Variants in SAMD9 observed in about 807,000 individuals in gnomAD.
The protein encoded by SAMD9 is sterile alpha motif domain containing 9.
A neutral mutation model predicts 1.5 loss-of-function variants in SAMD9; 3 were observed. That is an observed-to-expected ratio of 2.05 (90% CI 0.93 to 5.29). SAMD9 has a LOEUF of 5.29. Ranked by LOEUF, SAMD9 falls within the 30% of genes most tolerant of loss-of-function variation. The pLI is 0.02. For missense variants in SAMD9, 1,597 were observed against 1,820.8 expected (o/e 0.88, Z 2.24); for synonymous variants, 635 against 631.9 (o/e 1.00, Z -0.07).
rs1324222245 is a variant in SAMD9 at position 93,105,855 on chromosome 7, A to G, written c.243T>C (p.Asp81=). ...TTCCCATCTTAGATGTCTGAATCGA[A>G]TCTTCAATGGCTGTTTTCCGCAATT... ...FKELRKTAIE[D]SIQTSKMGKP... The change falls in exon 3 of 3, where the codon GAT becomes GAC. Residue 81 remains aspartate, a synonymous_variant. Coordinates refer to ENST00000379958, the MANE Select transcript of SAMD9 (RefSeq NM_017654.4). 2.5e-6 allele frequency: 4 copies of G among 1,614,024 alleles called. No individual in the cohort carries two copies. The highest frequency in any genetic ancestry group is 1.7e-5 in the Admixed American group (1 of 60,000).
Position 93,103,410 on chromosome 7 carries a change from G to A in SAMD9, c.2688C>T (p.Tyr896=), listed in dbSNP as rs765196275. ...MIMKTNFNKE[Y]IENVVRNILK... ...GGATATTCCGGACCACATTTTCTAT[G>A]TATTCTTTATTAAAATTGGTTTTCA... Residue 896 remains tyrosine, a synonymous_variant, in exon 3 of 3, where the codon TAC becomes TAT. Coordinates refer to ENST00000379958, the MANE Select transcript of SAMD9 (RefSeq NM_017654.4). 4.3e-6 allele frequency: 7 copies of A among 1,613,278 alleles called. No individual in the cohort carries two copies. Among genetic ancestry groups the A allele is most frequent in the Admixed American group, 1.7e-5 (1 of 59,930 alleles).
At position 93,104,453 on chromosome 7, in the gene SAMD9, C is replaced by T. The variant is rs10279499; in HGVS notation, c.1645G>A (p.Val549Met). Residue 549 changes from valine (V) to methionine (M), a missense_variant, in exon 3 of 3, where the codon GTG becomes ATG. Around this residue, in one of 6 missense-constraint regions of SAMD9, gnomAD observed 358 missense variants for 460.4 expected, o/e 0.78. Transcript: ENST00000379958. ...ATGAGGGGATCTCTTGGGTCATCCA[C>T]AGAGGACAGTAATAGAAATACCACC... ...FLVVFLLLSS[V>M]DDPRDPLIET... is the part of the protein sequence containing the mutation. 8 of 1,613,762 alleles carry T rather than the reference C, an allele frequency of 5.0e-6. No individual in the cohort carries two copies. Among genetic ancestry groups the T allele is most frequent in the Non-Finnish European group, 6.8e-6 (8 of 1,179,856 alleles).
At position 93,106,004 on chromosome 7, in the gene SAMD9, GT is replaced by G. The variant is rs777735384; in HGVS notation, c.93del (p.Lys31AsnfsTer6). 2.5e-6 allele frequency: 4 copies of G among 1,592,068 alleles called. No individual in the cohort carries two copies. The highest frequency in any genetic ancestry group is 1.7e-4 in the Middle Eastern group (1 of 5,914). On this transcript the variant is annotated frameshift_variant, in exon 3 of 3. Coordinates refer to ENST00000379958, the MANE Select transcript of SAMD9 (RefSeq NM_017654.4). LOFTEE classifies it low-confidence loss of function (END_TRUNC). ...TCTTGTTCAGTCAAAATTTCCCTGT[GT>G]TTTTGGTCAATCTTATGACTTTCTA... ...QWLESHKIDQ[K>X]HREILTEQDV... is the part of the protein sequence containing the mutation.
chr7:93,104,060 C>G lies in SAMD9; in HGVS notation c.2038G>C (p.Glu680Gln). Reference sequence around the variant, plus strand: ...TTGCCACCTCGATAGAAGTCTTCCTCTTTTGATGCCTTGAATTCAAGGAAT... The same window carrying G: ...TTGCCACCTCGATAGAAGTCTTCCTGTTTTGATGCCTTGAATTCAAGGAAT... The part of the protein sequence containing the change: ...NKFLEFKASK[E>Q]EDFYRGGKVS... The change falls in exon 3 of 3, where the codon GAG becomes CAG. Residue 680 changes from glutamate to glutamine, a missense_variant. By Grantham distance (29) the Glu-to-Gln change is conservative. Transcript: ENST00000379958. 6.2e-7 allele frequency: 1 copy of G among 1,613,990 alleles called. No individual in the cohort carries two copies. The highest frequency in any genetic ancestry group is 8.5e-7 in the Non-Finnish European group (1 of 1,179,876).
rs111780648 is a variant in SAMD9 at position 93,105,875 on chromosome 7, G to T, written c.223C>A (p.Arg75=). ...ATCGAATCTTCAATGGCTGTTTTCCGCAATTCTTTGAATAGTTCTTCTATT... is the reference window on the plus strand; with the variant it reads ...ATCGAATCTTCAATGGCTGTTTTCCTCAATTCTTTGAATAGTTCTTCTATT... The part of the protein sequence containing the change: ...IQIEELFKEL[R]KTAIEDSIQT... The change falls in exon 3 of 3, where the codon CGG becomes AGG. Residue 75 remains arginine, a synonymous_variant. Transcript: ENST00000379958. The T allele has an allele frequency of 6.2e-6, 10 of 1,613,856 alleles. No individual in the cohort carries two copies. Among genetic ancestry groups the T allele is most frequent in the South Asian group, 1.1e-5 (1 of 91,078 alleles).
intron 2 of SAMD9, among the ~76,000 whole-genome samples, chr7:93,107,683 A>G (rs1791668921): frequency 6.6e-6 from 1 of 152,146 alleles, no homozygotes; most frequent in South Asian, 2.1e-4. Context: ...GCAGATACAA[A>G]CTCAGGATTA....
chr7:93,104,114 C>A lies in SAMD9; in HGVS notation c.1984G>T (p.Gly662Cys). The A allele has an allele frequency of 6.2e-7, 1 of 1,613,736 alleles. No homozygotes were observed. Among genetic ancestry groups the A allele is most frequent in the Middle Eastern group, 1.6e-4 (1 of 6,062 alleles). The change falls in exon 3 of 3, where the codon GGT (glycine) becomes TGT (cysteine). Residue 662 changes from glycine to cysteine, a missense_variant. Gly to Cys is a radical substitution (Grantham distance 159). Transcript: ENST00000379958. ...TTTTTGTCCTTCTCTAACAGTGTACCCTCACATTCATTTTCACAGATAATT... is the reference window on the plus strand; with the variant it reads ...TTTTTGTCCTTCTCTAACAGTGTACACTCACATTCATTTTCACAGATAATT... ...LEIICENECEGTLLEKDKNKF... is the reference protein window; with the variant it reads ...LEIICENECECTLLEKDKNKF...
chr7:93,106,207 CA>C (rs1752877158), intron 2 of SAMD9, 102 bp from the exon 3 acceptor site: 1 of 693,144 alleles, frequency 1.4e-6, no homozygotes, highest in African/African-American at 1.8e-5. Context: ...TTAAAAAGCT[CA>C]AAAGGATATG....
rs1791548042 is a variant in SAMD9 at position 93,102,397 on chromosome 7, C to T, written c.3701G>A (p.Gly1234Glu). 6.2e-7 allele frequency: 1 copy of T among 1,610,330 alleles called. No homozygotes were observed. Among genetic ancestry groups the T allele is most frequent in the Non-Finnish European group, 8.5e-7 (1 of 1,176,918 alleles). The stretch of plus-strand genomic sequence containing the variant: ...TGGATCCCCTGGAATATCACTACTT[C>T]CTGATACAAAATTGACCATATATCT... ...SKRYMVNFVS[G>E]SSDIPGDPNN... is the part of the protein sequence containing the mutation. Residue 1234 changes from glycine to glutamate, a missense_variant, in exon 3 of 3, where the codon GGA becomes GAA. Transcript: ENST00000379958.
At chr7:93,114,655 C>G (rs1173452120) in intron 2 of SAMD9, 140 bp downstream of exon 2, 2 of 151,896 alleles carry the variant, frequency 1.3e-5, no homozygotes, top group East Asian at 3.9e-4. Flanking sequence ...ATTGACACAT[C>G]CATGGAATGA....
At position 93,117,878 on chromosome 7, in the gene SAMD9, A is replaced by T. The variant is rs1791856469; in HGVS notation, c.-125T>A. 6.6e-6 allele frequency: 1 copy of T among 152,216 alleles called. No homozygotes were observed. Among genetic ancestry groups the T allele is most frequent in the African/African-American group, 2.4e-5 (1 of 41,448 alleles). The allele number at this position is 152,216 out of a possible 1,614,324, so 9.4% of individuals were successfully genotyped here. A position where few individuals can be genotyped will look rare whatever the true frequency, so the allele number is the denominator to read the frequency against. On this transcript the variant is annotated 5_prime_UTR_variant, in exon 1 of 3. Transcript: ENST00000379958. ...TTGTACTTACCCAGTAGTCTTGCAAATTTCTTTTACATATATGTGGGGAAA... is the reference window on the plus strand; with the variant it reads ...TTGTACTTACCCAGTAGTCTTGCAATTTTCTTTTACATATATGTGGGGAAA...
Position 93,103,241 on chromosome 7 carries a change from T to TC in SAMD9, c.2856dup (p.Thr953AspfsTer5), listed in dbSNP as rs1780269025. 6.2e-7 allele frequency: 1 copy of TC among 1,613,508 alleles called. No homozygotes were observed. On this transcript the variant is annotated frameshift_variant, in exon 3 of 3. Coordinates refer to ENST00000379958, the MANE Select transcript of SAMD9 (RefSeq NM_017654.4). LOFTEE classifies it low-confidence loss of function (END_TRUNC). Reference sequence around the variant, plus strand: ...CCCATCTTGTCTTCAAATTTTTCTGTCCCCCAGAAAGCCTTCTTGTTTCCA... The same window carrying TC: ...CCCATCTTGTCTTCAAATTTTTCTGTCCCCCCAGAAAGCCTTCTTGTTTCCA...
At chr7:93,107,044 T>C (rs1047919428) in intron 2 of SAMD9, among the ~76,000 whole-genome samples, 33 of 142,820 alleles carry the variant, frequency 2.3e-4, no homozygotes, top group African/African-American at 8.4e-4. Flanking sequence ...GGTATTTTAA[T>C]TTTTTTTTTT....
Position 93,104,292 on chromosome 7 carries a change from T to G in SAMD9, c.1806A>C (p.Ser602=). ...GGCTTAAAGCAGAAATACATTGGCT[T>G]GAAATTTCATCTTGGTGTTTTATTA... The part of the protein sequence containing the change: ...ARLIKHQDEI[S]SQCISALSLE... The change falls in exon 3 of 3, where the codon TCA becomes TCC. Residue 602 remains serine, a synonymous_variant. Coordinates refer to ENST00000379958, the MANE Select transcript of SAMD9 (RefSeq NM_017654.4). 6.2e-7 allele frequency: 1 copy of G among 1,613,504 alleles called. No individual in the cohort carries two copies. The highest frequency in any genetic ancestry group is 1.7e-5 in the Admixed American group (1 of 59,968).
chr7:93,102,393 A>G lies in SAMD9; in HGVS notation c.3705T>C (p.Ser1235=), dbSNP rs375176424. Residue 1235 remains serine (S), a synonymous_variant, in exon 3 of 3, where the codon AGT becomes AGC. Transcript: ENST00000379958. ...KRYMVNFVSG[S]SDIPGDPNNE... is the part of the protein sequence containing the mutation. ...TGTTTGGATCCCCTGGAATATCACT[A>G]CTTCCTGATACAAAATTGACCATAT... is the stretch of plus-strand genomic sequence containing the variant. 3 of 1,609,744 alleles carry G rather than the reference A, an allele frequency of 1.9e-6. No individual in the cohort carries two copies. The highest frequency in any genetic ancestry group is 2.6e-6 in the Non-Finnish European group (3 of 1,176,322).
At chr7:93,114,480 T>G (rs1791802407) in intron 2 of SAMD9, among the ~76,000 whole-genome samples, 1 of 152,046 alleles carries the variant, frequency 6.6e-6, no homozygotes, top group South Asian at 2.1e-4. Flanking sequence ...CTGAAAATCA[T>G]GAACCTAATG....
chr7:93,109,538 G>A (rs1791703649), intron 2 of SAMD9, among the ~76,000 whole-genome samples: 2 of 152,184 alleles, frequency 1.3e-5, no homozygotes, highest in African/African-American at 2.4e-5. Flanking sequence ...TGAACCCATT[G>A]CAAAGATGTT....
rs1308958109 is a variant in SAMD9 at position 93,103,206 on chromosome 7, A to C, written c.2892T>G (p.Ser964=). ...EKFEDKMGTY[S]TILIKTEVIE... ...TGACCTCTGTTTTTATCAGAATTGT[A>C]GAGTAGGTGCCCATCTTGTCTTCAA... The change falls in exon 3 of 3, where the codon TCT becomes TCG. Residue 964 remains serine (S), a synonymous_variant. Transcript: ENST00000379958. The C allele has an allele frequency of 1.9e-6, 3 of 1,613,706 alleles. No homozygotes were observed. The highest frequency in any genetic ancestry group is 1.3e-5 in the African/African-American group (1 of 74,894).
In SAMD9 at chr7:93,105,055, C is replaced by G; in HGVS notation, c.1043G>C (p.Ser348Thr). The G allele has an allele frequency of 6.2e-7, 1 of 1,613,930 alleles. No homozygotes were observed. ...TTTATTTTTCGTAATGTCCTTAGAG[C>G]TGGTCCCATCTCGCACAAATAGTGA... ...KFSLFVRDGT[S>T]SKDITKNKVD... is the part of the protein sequence containing the mutation. The change falls in exon 3 of 3, where the codon AGC becomes ACC. Residue 348 changes from serine to threonine, a missense_variant. Ser to Thr is a moderately conservative substitution (Grantham distance 58, BLOSUM62 1). Around this residue, in one of 6 missense-constraint regions of SAMD9, gnomAD observed 498 missense variants for 457.4 expected, o/e 1.09. Transcript: ENST00000379958.
Sources: allele counts gnomAD v4.1 joint callset (sites outside exome capture counted in the v4.1 genomes callset), GRCh38; gene constraint gnomAD v4.1.1; regional missense constraint gnomAD v4.1.1; transcripts MANE v1.5; gene names NCBI Gene and HGNC (gene_info 2026-07-23, HGNC 2026-07-21).